The following MGST1 variants were observed in gnomAD, a reference collection of about 807,000 sequenced individuals.
MGST1 encodes microsomal glutathione S-transferase 1.
In MGST1, 5 loss-of-function variants were observed where a neutral mutation model predicts 8.9. The observed-to-expected ratio is 0.56, with a 90% CI of 0.29 to 1.19. The LOEUF is 1.19. MGST1 is among the 50% of genes most tolerant of loss of function. MGST1 has a pLI of 0.08. For synonymous variants in MGST1, 54 were observed against 67.8 expected, an observed-to-expected ratio of 0.80 and a Z score of 1.00; for missense variants, 182 against 187.4, an observed-to-expected ratio of 0.97 and a Z score of 0.17.
intron 4 of MGST1, among the ~76,000 whole-genome samples, chr12:16,485,034 A>G (rs1363543060): frequency 6.6e-6 from 1 of 152,180 alleles, no homozygotes; most frequent in African/African-American, 2.4e-5. Flanking sequence ...ACAGTTAACA[A>G]TATTCTATGC....
chr12:16,515,335 A>T (rs961532428), intron 4 of MGST1, among the ~76,000 whole-genome samples: 1 of 152,088 alleles, frequency 6.6e-6, no homozygotes, highest in Admixed American at 6.5e-5. Context: ...TTGACCATCA[A>T]CCCCATCCTA....
intron 4 of MGST1, among the ~76,000 whole-genome samples, chr12:16,558,329 T>TATGAATATGTAATCTTTTA (rs1386256195): frequency 1.3e-5 from 2 of 152,102 alleles, no homozygotes; most frequent in Non-Finnish European, 2.9e-5. Context: ...AATTTCCTAC[T>TATGAATATGTAATCTTTTA]ATGAATATGT....
exon 2 of MGST1, chr12:16,438,146 G>C (rs1941004896): frequency 6.6e-6 from 1 of 151,964 alleles, no homozygotes; most frequent in African/African-American, 2.4e-5. Context: ...AGAAAGATAT[G>C]TTGCCGGCTT....
At chr12:16,439,256 A>G (rs555616958), downstream of MGST1, among the ~76,000 whole-genome samples, 1 of 152,012 alleles carries the variant, frequency 6.6e-6, no homozygotes, top group Admixed American at 6.6e-5. Context: ...GTACACTTTT[A>G]GAAAGATTCT....
At chr12:16,387,046 C>G (rs1248003631) in intron 1 of MGST1, among the ~76,000 whole-genome samples, 2 of 152,094 alleles carry the variant, frequency 1.3e-5, no homozygotes, top group African/African-American at 4.8e-5. Context: ...TATAATTGTT[C>G]TATTTTATTA....
At chr12:16,408,911 C>A (rs913507241) in intron 1 of MGST1, among the ~76,000 whole-genome samples, 1 of 152,060 alleles carries the variant, frequency 6.6e-6, no homozygotes, top group African/African-American at 2.4e-5. Context: ...ACTGTAAAAC[C>A]CATATATTTA....
chr12:16,438,950 G>A (rs181298401), downstream of MGST1, among the ~76,000 whole-genome samples: 899 of 151,958 alleles, frequency 5.9e-3, 2 homozygotes, highest in Non-Finnish European at 9.2e-3. Context: ...ACTGGGGGCA[G>A]TATTTATTCG....
chr12:16,577,445 T>A (rs1012574538), intron 4 of MGST1, among the ~76,000 whole-genome samples: 1 of 152,190 alleles, frequency 6.6e-6, no homozygotes, highest in Non-Finnish European at 1.5e-5. Flanking sequence ...GTCATCTTAT[T>A]GCATTTATTT....
intron 4 of MGST1, among the ~76,000 whole-genome samples, chr12:16,583,209 A>G (rs1943220934): frequency 6.6e-6 from 1 of 152,198 alleles, no homozygotes; most frequent in African/African-American, 2.4e-5. Context: ...TGTCAGTAAC[A>G]GCAGTATCAG....
At chr12:16,426,368 C>A (rs1651259221) in intron 1 of MGST1, among the ~76,000 whole-genome samples, 1 of 152,174 alleles carries the variant, frequency 6.6e-6, no homozygotes, top group Non-Finnish European at 1.5e-5. Context: ...TTCATCCTAG[C>A]AAAACTCAAA....
intron 1 of MGST1, among the ~76,000 whole-genome samples, chr12:16,412,738 T>C (rs1940753126): frequency 6.6e-6 from 1 of 152,194 alleles, no homozygotes. Context: ...GCCTTTGCTC[T>C]TCCTTCACCT....
rs1376724079 is a variant in MGST1, at chr12:16,582,328, C to A, written n.483-7200C>A. On this transcript the variant is annotated intron_variant and non_coding_transcript_variant, in intron 4 of 4. Transcript: ENST00000538857. This position sits in a 1 kb window ranked among gnomAD's most constrained non-coding sequence, Gnocchi z 4.1. The stretch of plus-strand genomic sequence containing the variant: ...TCTCTGAATTCTAGAAAACATCTTA[C>A]CTGTTCCTATAGTATTATTCATTTT... Among the ~76,000 whole-genome samples, 1 of 152,102 alleles carries A rather than the reference C, an allele frequency of 6.6e-6. No homozygotes were observed. The highest frequency in any genetic ancestry group is 1.5e-5 in the Non-Finnish European group (1 of 68,024).
Position 16,528,149 on chromosome 12 carries a change from G to A in MGST1, n.483-61379G>A, listed in dbSNP as rs76645367. On this transcript the variant is annotated intron_variant and non_coding_transcript_variant, in intron 4 of 4. Coordinates refer to the MGST1 transcript ENST00000538857. ...TTAACAAAATAATTAATTCCAAATC[G>A]TTTTGGCTTGTTTTCGCCAGGCAAA... 8.9e-3 allele frequency among the ~76,000 whole-genome samples: 1,351 copies of A among 152,024 alleles called. 25 individuals are homozygous for A. Among genetic ancestry groups the A allele is most frequent in the African/African-American group, 0.031 (1,292 of 41,492 alleles).
At position 16,492,378 on chromosome 12, in the gene MGST1, A is replaced by G. The variant is rs79599771; in HGVS notation, n.483-97150A>G. ...CAGGCTCTCAGAAAGATGGACCCCA[A>G]TGTGGCAGCTTGTAGCTATACATTA... On this transcript the variant is annotated intron_variant and non_coding_transcript_variant, in intron 4 of 4. Coordinates refer to the MGST1 transcript ENST00000538857. 2.6e-4 allele frequency among the ~76,000 whole-genome samples: 40 copies of G among 152,238 alleles called. No homozygotes were observed. In the East Asian group the frequency reaches 6.0e-3, roughly 23 times the overall value.
At chr12:16,502,471 G>A (rs947980993) in intron 4 of MGST1, among the ~76,000 whole-genome samples, 2 of 152,032 alleles carry the variant, frequency 1.3e-5, no homozygotes, top group African/African-American at 2.4e-5. Context: ...TATTGAGGCA[G>A]TATCTTTCAA....
intron 4 of MGST1, among the ~76,000 whole-genome samples, chr12:16,501,491 A>C (rs2137168488): frequency 6.6e-6 from 1 of 152,358 alleles, no homozygotes; most frequent in African/African-American, 2.4e-5. Context: ...TTACTTGAGT[A>C]ATGAAAACCT....
At chr12:16,551,844 A>T (rs1942002066) in intron 4 of MGST1, among the ~76,000 whole-genome samples, 1 of 152,004 alleles carries the variant, frequency 6.6e-6, no homozygotes, top group African/African-American at 2.4e-5. Context: ...AAATGTGATT[A>T]AATGTTAGTA....
At chr12:16,498,757 A>G (rs1215983932) in intron 4 of MGST1, among the ~76,000 whole-genome samples, 2 of 152,232 alleles carry the variant, frequency 1.3e-5, no homozygotes, top group Non-Finnish European at 2.9e-5. Context: ...AATTAAGTAG[A>G]TTAAGTAGGG....
intron 4 of MGST1, among the ~76,000 whole-genome samples, chr12:16,528,644 G>A (rs1366206493): frequency 1.3e-5 from 2 of 151,966 alleles, no homozygotes; most frequent in Non-Finnish European, 2.9e-5. Context: ...AAGTGCACTA[G>A]GTAAAAGGAT....
Sources: gnomAD v4.1 joint callset for allele counts (sites outside exome capture counted in the v4.1 genomes callset) on GRCh38, gnomAD v4.1.1 for gene constraint, Gnocchi (gnomAD v3.1) non-coding constraint, MANE v1.5 for transcripts, NCBI Gene and HGNC (gene_info 2026-07-23, HGNC 2026-07-21) for gene names.